The following RUNX1T1 variants were observed in gnomAD, a reference collection of about 807,000 sequenced individuals.
RUNX1T1 encodes the protein protein CBFA2T1.
RUNX1T1 carries 4 observed loss-of-function variants against 62.8 expected under a neutral mutation model. The observed-to-expected ratio is 0.06, with a 90% CI of 0.03 to 0.15. RUNX1T1 has a LOEUF of 0.15. Ranked by LOEUF, RUNX1T1 falls within the 10% of genes least tolerant of loss-of-function variation. The pLI is 1.00. For missense variants in RUNX1T1, 508 were observed against 754.3 expected, an observed-to-expected ratio of 0.67 and a Z score of 3.82; for synonymous variants, 291 against 286.0, an observed-to-expected ratio of 1.02 and a Z score of -0.18.
intron 1 of RUNX1T1, among the ~76,000 whole-genome samples, chr8:92,087,154 G>A (rs530314136): frequency 3.3e-5 from 5 of 152,118 alleles, no homozygotes; most frequent in Non-Finnish European, 7.4e-5. Flanking sequence ...GGGGATGGAA[G>A]ACCCTGTGCC....
chr8:92,005,585 T>G (rs1237157475), intron 4 of RUNX1T1: 4 of 358,266 alleles, frequency 1.1e-5, no homozygotes, highest in Non-Finnish European at 2.0e-5. Context: ...CCTTTATACT[T>G]GAATGTATGT....
chr8:92,080,755 C>A (rs1407911459), intron 1 of RUNX1T1, among the ~76,000 whole-genome samples: 1 of 152,190 alleles, frequency 6.6e-6, no homozygotes, highest in African/African-American at 2.4e-5. Context: ...TCACTAAATA[C>A]TGACTGAGTA....
intron 1 of RUNX1T1, among the ~76,000 whole-genome samples, chr8:92,083,919 A>G (rs2130840981): frequency 6.6e-6 from 1 of 152,344 alleles, no homozygotes. Flanking sequence ...CTACGCAGCC[A>G]TAAAAAAGAA....
At chr8:92,060,598 T>C (rs1050160115) in intron 1 of RUNX1T1, among the ~76,000 whole-genome samples, 4 of 145,960 alleles carry the variant, frequency 2.7e-5, no homozygotes, top group Non-Finnish European at 6.0e-5. Context: ...TGTTGATATA[T>C]AGTCATTTAA....
chr8:92,044,947 T>C (rs949629336), intron 1 of RUNX1T1, among the ~76,000 whole-genome samples: 8 of 151,734 alleles, frequency 5.3e-5, no homozygotes, highest in African/African-American at 1.7e-4. Context: ...AGTAATAAAA[T>C]AGACCAGGTG....
chr8:91,957,179 G>A (rs1232671755), downstream of RUNX1T1: 1 of 214,884 alleles, frequency 4.7e-6, no homozygotes, highest in African/African-American at 2.3e-5. Context: ...TTCTCACATA[G>A]CCTGTATATA....
At chr8:91,972,511 A>G (rs577128397) in intron 9 of RUNX1T1, among the ~76,000 whole-genome samples, 2 of 152,238 alleles carry the variant, frequency 1.3e-5, no homozygotes, top group African/African-American at 4.8e-5. Flanking sequence ...CTTCTTCACC[A>G]GGAGGTGAAA....
At chr8:92,004,877 G>T in intron 5 of RUNX1T1, 1 of 399,636 alleles carries the variant, frequency 2.5e-6, no homozygotes, top group Non-Finnish European at 4.4e-6. Flanking sequence ...TCACCATTTC[G>T]CTTTAATACT....
chr8:91,988,547 T>C (rs1817024566), intron 6 of RUNX1T1, among the ~76,000 whole-genome samples: 1 of 152,138 alleles, frequency 6.6e-6, no homozygotes, highest in Non-Finnish European at 1.5e-5. Context: ...TTAGTCACCA[T>C]ACAAAACAAC....
chr8:91,976,789 T>C (rs367586271), intron 8 of RUNX1T1, among the ~76,000 whole-genome samples: 1 of 152,252 alleles, frequency 6.6e-6, no homozygotes, highest in African/African-American at 2.4e-5. Context: ...GTATACCGTC[T>C]TCCATAGCTA....
intron 10 of RUNX1T1, among the ~76,000 whole-genome samples, chr8:91,965,993 A>G (rs1172789503): frequency 6.6e-6 from 1 of 151,750 alleles, no homozygotes; most frequent in East Asian, 1.9e-4. Context: ...CGTTATCCCA[A>G]ATTTTGCAGA....
chr8:92,026,357 G>A (rs1187023679), intron 1 of RUNX1T1, among the ~76,000 whole-genome samples: 2 of 152,228 alleles, frequency 1.3e-5, no homozygotes. Context: ...AAAAGGAACT[G>A]AGGCTCAGAG....
chr8:92,008,266 G>A (rs777148867), intron 4 of RUNX1T1, among the ~76,000 whole-genome samples: 1 of 151,944 alleles, frequency 6.6e-6, no homozygotes. Context: ...ATGATATTCA[G>A]AACGATGAGG....
chr8:92,098,599 T>G (rs1185748715), intron 1 of RUNX1T1, among the ~76,000 whole-genome samples: 2 of 152,176 alleles, frequency 1.3e-5, no homozygotes, highest in Admixed American at 1.3e-4. Flanking sequence ...TATCAAAGGT[T>G]AATGCAGCAG....
intron 8 of RUNX1T1, among the ~76,000 whole-genome samples, chr8:91,981,598 G>T (rs1319860957): frequency 6.6e-6 from 1 of 151,008 alleles, no homozygotes; most frequent in East Asian, 2.0e-4. Context: ...TTTATTTTTA[G>T]CATAGACGGG....
chr8:92,072,444 T>C (rs1373833521), intron 2 of RUNX1T1, among the ~76,000 whole-genome samples: 4 of 152,160 alleles, frequency 2.6e-5, no homozygotes, highest in Non-Finnish European at 5.9e-5. Flanking sequence ...TTTATATACA[T>C]ATATATAATT....
intron 8 of RUNX1T1, among the ~76,000 whole-genome samples, chr8:91,983,327 G>A (rs891130927): frequency 6.6e-6 from 1 of 152,122 alleles, no homozygotes; most frequent in African/African-American, 2.4e-5. Flanking sequence ...TTTCAAAAGT[G>A]AGAATGGGAT....
intron 5 of RUNX1T1, among the ~76,000 whole-genome samples, chr8:91,992,936 T>C (rs556013200): frequency 6.6e-6 from 1 of 152,344 alleles, no homozygotes; most frequent in East Asian, 1.9e-4. Context: ...TTCTACTGCA[T>C]AGAGACTAGC....
intron 10 of RUNX1T1, among the ~76,000 whole-genome samples, chr8:91,965,538 T>C (rs1052430764): frequency 5.9e-5 from 9 of 152,088 alleles, no homozygotes; most frequent in Non-Finnish European, 8.8e-5. Context: ...CAAACCTGTT[T>C]CTCCTTGTTA....
Sources: allele counts gnomAD v4.1 joint callset (sites outside exome capture counted in the v4.1 genomes callset), GRCh38; gene constraint gnomAD v4.1.1; transcripts MANE v1.5; gene names NCBI Gene and HGNC (gene_info 2026-07-23, HGNC 2026-07-21).